The following OVCH2 variants were observed in gnomAD, a reference collection of about 807,000 sequenced individuals.
OVCH2 encodes the protein ovochymase-2.
OVCH2 carries 88 observed loss-of-function variants against 73.7 expected under a neutral mutation model. That is an observed-to-expected ratio of 1.19 (90% CI 1.01 to 1.43). The LOEUF (loss-of-function observed/expected upper bound fraction) is 1.43. OVCH2 is among the 40% of genes most tolerant of loss of function. OVCH2 has a pLI of 0.00. For missense variants in OVCH2, 706 were observed against 674.5 expected, an observed-to-expected ratio of 1.05 and a Z score of -0.52; for synonymous variants, 265 against 234.5, an observed-to-expected ratio of 1.13 and a Z score of -1.19.
In OVCH2 at chr11:7,696,766, C is replaced by T. The variant is rs368914264; in HGVS notation, c.959G>A (p.Gly320Glu). Reference sequence around the variant, plus strand: ...TGGGAAGTGCAGCTTCCCCTCAGCCCCGCTGACTATGACATCCTGCTCACT... The same window carrying T: ...TGGGAAGTGCAGCTTCCCCTCAGCCTCGCTGACTATGACATCCTGCTCACT... ...WCSEQDVIVSGAEGKLHFPES... is the reference protein window; with the variant it reads ...WCSEQDVIVSEAEGKLHFPES... The change falls in exon 9 of 16, where the codon GGG becomes GAG. Residue 320 changes from glycine (G) to glutamate (E), a missense_variant. Coordinates refer to ENST00000533663, the MANE Select transcript of OVCH2 (RefSeq NM_198185.7). 102 of 1,611,632 alleles carry T rather than the reference C, an allele frequency of 6.3e-5. No individual in the cohort carries two copies. Among genetic ancestry groups the T allele is most frequent in the Non-Finnish European group, 8.3e-5 (98 of 1,178,894 alleles).
Position 7,704,632 on chromosome 11 carries a change from T to A in OVCH2, c.131A>T (p.Asn44Ile). ...AATGCGACTGAAAATGTTAAAATAA[T>A]TCCAAGGCTGTACCTTAACCAGACT... Reference protein sequence around the residue: ...GQSLVKVQPWNYFNIFSRILG... With the variant: ...GQSLVKVQPWIYFNIFSRILG... Residue 44 changes from asparagine (N) to isoleucine (I), a missense_variant, in exon 2 of 16, where the codon AAT (asparagine) becomes ATT (isoleucine). Coordinates refer to ENST00000533663, the MANE Select transcript of OVCH2 (RefSeq NM_198185.7). 6.2e-7 allele frequency: 1 copy of A among 1,612,900 alleles called. No homozygotes were observed. Among genetic ancestry groups the A allele is most frequent in the Non-Finnish European group, 8.5e-7 (1 of 1,179,436 alleles).
At chr11:7,693,876 G>T (rs1856268707) in intron 12 of OVCH2, among the ~76,000 whole-genome samples, 1 of 152,270 alleles carries the variant, frequency 6.6e-6, no homozygotes, top group East Asian at 1.9e-4. Context: ...TTTTATGGAG[G>T]TGTGGGGTGG....
chr11:7,700,952 C>A (rs868059417), intron 6 of OVCH2, among the ~76,000 whole-genome samples: 1 of 152,196 alleles, frequency 6.6e-6, no homozygotes, highest in Non-Finnish European at 1.5e-5. Context: ...TTGGAAAAAG[C>A]AGAAGACCTC....
chr11:7,691,801 G>A (rs1365106624), intron 13 of OVCH2, 101 bp downstream of exon 13: 3 of 867,612 alleles, frequency 3.5e-6, no homozygotes, highest in South Asian at 1.6e-5. Context: ...TGGAGGTGGT[G>A]CAGGAAGATG....
intron 5 of OVCH2, 58 bp from the exon 6 acceptor site, chr11:7,701,533 A>C (rs1357988693): frequency 5.1e-6 from 8 of 1,569,438 alleles, no homozygotes; most frequent in Non-Finnish European, 6.9e-6. Context: ...TCTGAGTTGA[A>C]GATGCATCAT....
chr11:7,699,349 A>G (rs112690246), intron 7 of OVCH2: 228 of 152,478 alleles, frequency 1.5e-3, no homozygotes, highest in Non-Finnish European at 2.7e-3. Flanking sequence ...TCTGTGGGGG[A>G]TTGGTTTCAG....
the OVCH2 span, among the ~76,000 whole-genome samples, chr11:7,680,032 T>C: frequency 2.0e-5 from 3 of 146,384 alleles, no homozygotes; most frequent in Non-Finnish European, 4.5e-5. Context: ...CTTCGGAATA[T>C]GCTTTATTAG....
intron 12 of OVCH2, among the ~76,000 whole-genome samples, chr11:7,693,021 G>A (rs1856251444): frequency 6.6e-6 from 1 of 152,152 alleles, no homozygotes; most frequent in East Asian, 1.9e-4. Context: ...GGAAAAGGGA[G>A]GGGAACTATC....
downstream of OVCH2, among the ~76,000 whole-genome samples, chr11:7,689,143 T>C (rs1003282344): frequency 5.9e-5 from 9 of 152,206 alleles, no homozygotes; most frequent in African/African-American, 2.2e-4. Context: ...TAATTAAAAT[T>C]CCTAATCATT....
At chr11:7,682,239 G>T in the OVCH2 span, among the ~76,000 whole-genome samples, 4 of 152,150 alleles carry the variant, frequency 2.6e-5, no homozygotes, top group African/African-American at 9.7e-5. Flanking sequence ...ACATCACATC[G>T]CTGGACAGTA....
At chr11:7,697,801 C>T (rs756671683) in intron 8 of OVCH2, among the ~76,000 whole-genome samples, 5 of 152,130 alleles carry the variant, frequency 3.3e-5, no homozygotes, top group Middle Eastern at 3.2e-3. Flanking sequence ...GAATTTCATA[C>T]GTCCATGCAT....
At chr11:7,705,696 G>C (rs1011177955) in intron 1 of OVCH2, 2 of 152,104 alleles carry the variant, frequency 1.3e-5, no homozygotes. Flanking sequence ...GGATGACATT[G>C]GAACAAAAGC....
chr11:7,700,489 C>A lies in OVCH2; in HGVS notation c.712-4G>T. ...TGAGTGAACCTCCTGAATCTCCCTG[C>A]AGAGGGAAAAAGCCTCTATTAGCAT... On this transcript the variant is annotated splice_region_variant and splice_polypyrimidine_tract_variant and intron_variant, in intron 6 of 15. Transcript: ENST00000533663. 2 of 1,596,272 alleles carry A rather than the reference C, an allele frequency of 1.3e-6. No homozygotes were observed. Among genetic ancestry groups the A allele is most frequent in the Non-Finnish European group, 1.7e-6 (2 of 1,171,444 alleles).
intron 10 of OVCH2, 67 bp downstream of exon 10, chr11:7,696,398 A>T: frequency 1.3e-6 from 2 of 1,587,670 alleles, no homozygotes; most frequent in South Asian, 2.3e-5. Flanking sequence ...GCCAGACATA[A>T]GATAACTAGG....
At position 7,706,253 on chromosome 11, in the gene OVCH2, C is replaced by T. The variant is rs567728507; in HGVS notation, c.88+54G>A. 32 of 1,492,964 alleles carry T rather than the reference C, an allele frequency of 2.1e-5. No homozygotes were observed. The African/African-American group carries it at 3.9e-4, about 18-fold the overall frequency. 92.5% of individuals were successfully genotyped at this position (1,492,964 alleles called of 1,614,324 possible). On this transcript the variant is annotated intron_variant, in intron 1 of 15. Coordinates refer to ENST00000533663, the MANE Select transcript of OVCH2 (RefSeq NM_198185.7). The stretch of plus-strand genomic sequence containing the variant: ...CATGGAGTCTCGGAGTTGTGACGTC[C>T]ATTGCCAGCAAAGGTTCAGACAAAG...
At chr11:7,689,872 T>C (rs980525502) in intron 15 of OVCH2, 52 bp downstream of exon 15, 1 of 1,134,032 alleles carries the variant, frequency 8.8e-7, no homozygotes, top group Non-Finnish European at 1.3e-6. Flanking sequence ...CTTCTCCGGT[T>C]GAACCCTGGA....
At chr11:7,692,082 C>A in intron 12 of OVCH2, 87 bp from the exon 13 acceptor site, 1 of 957,354 alleles carries the variant, frequency 1.0e-6, no homozygotes. Flanking sequence ...GATTGCTCAA[C>A]TTGTTCTGGA....
Position 7,691,939 on chromosome 11 carries a change from C to A in OVCH2, c.1470G>T (p.Val490=). 1 of 1,578,170 alleles carries A rather than the reference C, an allele frequency of 6.3e-7. No homozygotes were observed. Among genetic ancestry groups the A allele is most frequent in the Non-Finnish European group, 8.6e-7 (1 of 1,160,306 alleles). Residue 490 remains valine (V), a synonymous_variant, in exon 13 of 16, where the codon GTG becomes GTT. Coordinates refer to ENST00000533663, the MANE Select transcript of OVCH2 (RefSeq NM_198185.7). ...EESGDCTSDY[V]TVHSDVERKK... ...TCCTTTCTACATCGCTGTGCACTGTCACATAGTCGGAAGTGCAGTCTCCAC... is the reference window on the plus strand; with the variant it reads ...TCCTTTCTACATCGCTGTGCACTGTAACATAGTCGGAAGTGCAGTCTCCAC...
At chr11:7,688,057 GCAAA>G (rs918344465), downstream of OVCH2, among the ~76,000 whole-genome samples, 6 of 152,212 alleles carry the variant, frequency 3.9e-5, no homozygotes, top group South Asian at 1.2e-3. Flanking sequence ...TGGTGGGAGC[GCAAA>G]CATTCAGTCC....
Sources: allele counts gnomAD v4.1 joint callset (sites outside exome capture counted in the v4.1 genomes callset), GRCh38; gene constraint gnomAD v4.1.1; transcripts MANE v1.5; gene names NCBI Gene and HGNC (gene_info 2026-07-23, HGNC 2026-07-21).